Variants in CALHM4 observed in about 807,000 individuals in gnomAD.
CALHM4 encodes the protein calcium homeostasis modulator family member 4.
In CALHM4, 16 loss-of-function variants were observed where a neutral mutation model predicts 13.3. The ratio of observed to expected loss-of-function variants is 1.20; its 90% CI spans 0.81 to 1.82. The LOEUF (loss-of-function observed/expected upper bound fraction) is 1.82, where lower values mean the gene tolerates loss of function less well. Ranked by LOEUF, CALHM4 falls within the 40% of genes most tolerant of loss-of-function variation. The probability of loss-of-function intolerance (pLI) is 0.00; values close to 1 mark genes in which losing one functional copy is unlikely to be tolerated. For missense variants in CALHM4, 344 were observed against 374.9 expected, an observed-to-expected ratio of 0.92 and a Z score of 0.68; for synonymous variants, 127 against 137.1, an observed-to-expected ratio of 0.93 and a Z score of 0.52.
intron 1 of CALHM4, among the ~76,000 whole-genome samples, chr6:116,539,576 A>C (rs753585842): frequency 1.3e-5 from 2 of 152,194 alleles, no homozygotes; most frequent in African/African-American, 2.4e-5. Context: ...TGACAGTGAA[A>C]GACAAAGAGT....
chr6:116,545,352 C>T (rs1160187637), intron 2 of CALHM4: 2 of 733,428 alleles, frequency 2.7e-6, no homozygotes, highest in Non-Finnish European at 4.4e-6. Flanking sequence ...ATTCACTTCG[C>T]TGAACACTGT....
chr6:116,529,786 G>A (rs1772586125), intron 1 of CALHM4, among the ~76,000 whole-genome samples: 1 of 152,124 alleles, frequency 6.6e-6, no homozygotes. Flanking sequence ...CCAAGTGAAG[G>A]GCAGAGATTG....
intron 2 of CALHM4, among the ~76,000 whole-genome samples, chr6:116,548,167 C>G (rs1486525515): frequency 6.6e-6 from 1 of 152,108 alleles, no homozygotes; most frequent in East Asian, 1.9e-4. Flanking sequence ...GAATTAGCAC[C>G]TTATAAAAGG....
chr6:116,545,596 T>C, intron 2 of CALHM4: 1 of 1,332,700 alleles, frequency 7.5e-7, no homozygotes, highest in South Asian at 1.4e-5. Context: ...CATGTCTTTT[T>C]GTTTTGTTTT....
intron 1 of CALHM4, 21 bp downstream of exon 1, chr6:116,554,372 TC>T: frequency 6.7e-7 from 1 of 1,501,734 alleles, no homozygotes; most frequent in Non-Finnish European, 8.9e-7. Context: ...AGAATTTTTT[TC>T]CCTCTGCTAT....
chr6:116,532,988 G>C (rs949741081), intron 1 of CALHM4, among the ~76,000 whole-genome samples: 1 of 152,164 alleles, frequency 6.6e-6, no homozygotes, highest in African/African-American at 2.4e-5. Flanking sequence ...ACGTCAACTT[G>C]GTTAATTTAA....
intron 1 of CALHM4, among the ~76,000 whole-genome samples, chr6:116,539,240 T>C (rs1192812854): frequency 6.6e-6 from 1 of 152,244 alleles, no homozygotes; most frequent in Non-Finnish European, 1.5e-5. Flanking sequence ...TTTTTCAAAC[T>C]ACTGTTTTGG....
At chr6:116,533,396 T>A (rs1772861676) in intron 1 of CALHM4, among the ~76,000 whole-genome samples, 1 of 152,228 alleles carries the variant, frequency 6.6e-6, no homozygotes, top group East Asian at 1.9e-4. Flanking sequence ...CTATTTTGTG[T>A]CTTCAGTGGC....
upstream of CALHM4, among the ~76,000 whole-genome samples, chr6:116,550,704 T>G (rs1244111117): frequency 6.6e-6 from 1 of 152,188 alleles, no homozygotes; most frequent in Non-Finnish European, 1.5e-5. Context: ...TTTCCTCTTT[T>G]TTGAATTATC....
At chr6:116,538,694 G>A (rs1583292402) in intron 1 of CALHM4, among the ~76,000 whole-genome samples, 1 of 150,878 alleles carries the variant, frequency 6.6e-6, no homozygotes, top group Non-Finnish European at 1.5e-5. Context: ...ATGCTCTACC[G>A]CCTTATTAAT....
chr6:116,560,801 A>C lies in CALHM4; in HGVS notation c.*2590A>C, dbSNP rs1774560081. Among the ~76,000 whole-genome samples, 1 of 152,160 alleles carries C rather than the reference A, an allele frequency of 6.6e-6. No homozygotes were observed. Among genetic ancestry groups the C allele is most frequent in the Non-Finnish European group, 1.5e-5 (1 of 68,032 alleles). Reference sequence around the variant, plus strand: ...TATAATTAAAGTCAATTATGTGCTAATACTACTTTATATTTTGCTACCAAA... The same window carrying C: ...TATAATTAAAGTCAATTATGTGCTACTACTACTTTATATTTTGCTACCAAA... On this transcript the variant is annotated 3_prime_UTR_variant, in exon 2 of 2. Transcript: ENST00000368596.
chr6:116,529,940 T>C (rs1772595204), intron 1 of CALHM4, among the ~76,000 whole-genome samples: 1 of 152,190 alleles, frequency 6.6e-6, no homozygotes, highest in African/African-American at 2.4e-5. Context: ...AACTGAGTTT[T>C]ACATATTCAT....
chr6:116,557,757 C>T (rs1224255082), intron 1 of CALHM4, 68 bp from the exon 2 acceptor site: 14 of 1,529,920 alleles, frequency 9.2e-6, no homozygotes, highest in Non-Finnish European at 1.1e-5. Context: ...ATCCCCCCTC[C>T]CATGGCTGTT....
At chr6:116,533,864 T>C (rs1008348523) in intron 1 of CALHM4, among the ~76,000 whole-genome samples, 6 of 152,210 alleles carry the variant, frequency 3.9e-5, no homozygotes, top group Admixed American at 2.0e-4. Flanking sequence ...TTCCAGCTTA[T>C]AGTTTTCTTA....
intron 1 of CALHM4, chr6:116,540,481 G>C (rs905722796): frequency 3.2e-6 from 5 of 1,547,934 alleles, no homozygotes; most frequent in Admixed American, 2.0e-5. Flanking sequence ...GACGGAAAGA[G>C]TGTGGTCTGA....
intron 1 of CALHM4, 144 bp from the exon 2 acceptor site, chr6:116,557,681 T>G: frequency 1.2e-6 from 1 of 827,462 alleles, no homozygotes; most frequent in Non-Finnish European, 1.9e-6. Flanking sequence ...ATTAGCACGT[T>G]GTTGATATAC....
intron 1 of CALHM4, among the ~76,000 whole-genome samples, chr6:116,532,176 T>C (rs1471686672): frequency 1.3e-5 from 2 of 152,182 alleles, no homozygotes; most frequent in Non-Finnish European, 2.9e-5. Flanking sequence ...TAAAGACAAA[T>C]GTGGAGCACT....
At chr6:116,540,861 G>T (rs1431195684) in intron 1 of CALHM4, among the ~76,000 whole-genome samples, 1 of 152,046 alleles carries the variant, frequency 6.6e-6, no homozygotes, top group African/African-American at 2.4e-5. Flanking sequence ...TGTGATACCC[G>T]GATGCTCGCT....
chr6:116,533,613 G>A (rs1221233888), intron 1 of CALHM4, among the ~76,000 whole-genome samples: 1 of 152,242 alleles, frequency 6.6e-6, no homozygotes, highest in Non-Finnish European at 1.5e-5. Flanking sequence ...CATGCCTTCT[G>A]TACTGGTTGT....
Sources: allele counts gnomAD v4.1 joint callset (sites outside exome capture counted in the v4.1 genomes callset), GRCh38; gene constraint gnomAD v4.1.1; transcripts MANE v1.5; gene names NCBI Gene and HGNC (gene_info 2026-07-23, HGNC 2026-07-21).